SMAD4: variants seen among roughly 807,000 people sequenced by gnomAD.
SMAD4 encodes SMAD family member 4.
In SMAD4, 7 loss-of-function variants were observed where a neutral mutation model predicts 63.2. The observed-to-expected ratio is 0.11, with a 90% CI of 0.06 to 0.21. SMAD4 has a LOEUF of 0.21. SMAD4 is among the 10% of genes least tolerant of loss of function. The pLI is 1.00. For missense variants in SMAD4, 312 were observed against 693.8 expected (o/e 0.45, Z 6.18); for synonymous variants, 215 against 235.4 (o/e 0.91, Z 0.79).
chr18:51,032,522 C>T (rs960038677), intron 1 of SMAD4, among the ~76,000 whole-genome samples: 2 of 152,170 alleles, frequency 1.3e-5, no homozygotes, highest in Non-Finnish European at 2.9e-5. Context: ...TTTTAAAAAC[C>T]TCTGCTTCAC....
chr18:51,033,398 C>T (rs1414810287), intron 1 of SMAD4, among the ~76,000 whole-genome samples: 3 of 152,188 alleles, frequency 2.0e-5, no homozygotes, highest in Non-Finnish European at 4.4e-5. Context: ...CCATGTTGGC[C>T]AGACTGGTCT....
chr18:51,040,310 G>A (rs1018083681), intron 1 of SMAD4, among the ~76,000 whole-genome samples: 3 of 151,960 alleles, frequency 2.0e-5, no homozygotes, highest in Admixed American at 2.0e-4. Flanking sequence ...TGTAGTCCCA[G>A]CTACTGGGGA....
At chr18:51,049,969 A>G (rs552318809) in intron 4 of SMAD4, among the ~76,000 whole-genome samples, 1 of 152,344 alleles carries the variant, frequency 6.6e-6, no homozygotes, top group East Asian at 1.9e-4. Context: ...AATATTTGAG[A>G]ATGGAGTTTT....
intron 1 of SMAD4, among the ~76,000 whole-genome samples, chr18:51,035,221 T>C (rs1023606289): frequency 1.3e-5 from 2 of 152,242 alleles, no homozygotes; most frequent in East Asian, 3.8e-4. Context: ...TTATTTGAAC[T>C]GTCTGGTAGT....
intron 5 of SMAD4, among the ~76,000 whole-genome samples, chr18:51,056,890 T>A (rs1435121255): frequency 6.6e-6 from 1 of 152,196 alleles, no homozygotes; most frequent in Non-Finnish European, 1.5e-5. Context: ...TAAAATAATT[T>A]ATCCTGTGTA....
intron 4 of SMAD4, chr18:51,052,836 G>C (rs1909745392): frequency 6.3e-6 from 1 of 158,304 alleles, no homozygotes; most frequent in Admixed American, 6.3e-5. Context: ...TCTGGACCTT[G>C]GTTTTTTACT....
At chr18:51,050,546 C>T (rs1267056263) in intron 4 of SMAD4, among the ~76,000 whole-genome samples, 2 of 151,428 alleles carry the variant, frequency 1.3e-5, no homozygotes, top group Admixed American at 6.6e-5. Flanking sequence ...GTAGTCCCAG[C>T]TACTTGGGAA....
Position 51,030,423 on chromosome 18 carries a change from CGCCGCAG to C in SMAD4, c.-326_-320del, listed in dbSNP as rs974481056. 1 of 151,306 alleles carries C rather than the reference CGCCGCAG, an allele frequency of 6.6e-6. No individual in the cohort carries two copies. The highest frequency in any genetic ancestry group is 1.5e-5 in the Non-Finnish European group (1 of 67,692). 9.4% of individuals were successfully genotyped at this position (151,306 alleles called of 1,614,324 possible). A position where few individuals can be genotyped will look rare whatever the true frequency, so the allele number is the denominator to read the frequency against. On this transcript the variant is annotated 5_prime_UTR_variant, in exon 1 of 12. Coordinates refer to ENST00000342988, the MANE Select transcript of SMAD4 (RefSeq NM_005359.6). The stretch of plus-strand genomic sequence containing the variant: ...CAGGCGCCCAGCGAGAGAGGCCCCC[CGCCGCAG>C]GGCGGCCCGGGAGCTCGAGGCGGTC...
In SMAD4 at chr18:51,084,012, G is replaced by GCGCGCA. The variant is rs1555688055; in HGVS notation, c.*5546_*5547insGCGCAC. 56 of 162,874 alleles carry GCGCGCA rather than the reference G, an allele frequency of 3.4e-4. No homozygotes were observed. The highest frequency in any genetic ancestry group is 1.2e-3 in the South Asian group (5 of 4,266). The allele number at this position is 162,874 out of a possible 1,614,324, so 10.1% of individuals were successfully genotyped here. The stretch of plus-strand genomic sequence containing the variant: ...TTAACGCGCGTGCGCACGCGCGCGC[G>GCGCGCA]CACACACACACACACACACACACAC... On this transcript the variant is annotated 3_prime_UTR_variant, in exon 12 of 12. Coordinates refer to ENST00000342988, the MANE Select transcript of SMAD4 (RefSeq NM_005359.6).
chr18:51,051,491 T>A (rs1909711734), intron 4 of SMAD4: 1 of 430,092 alleles, frequency 2.3e-6, no homozygotes, highest in Admixed American at 2.7e-5. Flanking sequence ...TTCCAGCCTA[T>A]CTTTTACCTT....
chr18:51,035,879 C>G (rs1210208373), intron 1 of SMAD4, among the ~76,000 whole-genome samples: 2 of 152,172 alleles, frequency 1.3e-5, no homozygotes, highest in African/African-American at 4.8e-5. Context: ...ACACATGCTG[C>G]TTCAGAATGG....
chr18:51,059,900 C>T lies in SMAD4; in HGVS notation c.939C>T (p.Pro313=), dbSNP rs1305282354. Residue 313 remains proline (P), a synonymous_variant, in exon 8 of 12, where the codon CCC becomes CCT. Transcript: ENST00000342988. Reference sequence around the variant, plus strand: ...ACAATGAGCTTGCATTCCAGCCTCCCATTTCCAATCATCCTGGTAAGTGTA... The same window carrying T: ...ACAATGAGCTTGCATTCCAGCCTCCTATTTCCAATCATCCTGGTAAGTGTA... ...PVHNELAFQP[P]ISNHPAPEYW... is the part of the protein sequence containing the mutation. The T allele has an allele frequency of 6.2e-7, 1 of 1,611,972 alleles. No individual in the cohort carries two copies. The highest frequency in any genetic ancestry group is 8.5e-7 in the Non-Finnish European group (1 of 1,178,170).
chr18:51,067,444 C>G lies in SMAD4; in HGVS notation c.1308+257C>G, dbSNP rs920504176. Among the ~76,000 whole-genome samples the G allele has an allele frequency of 3.3e-5, 5 of 151,988 alleles. No homozygotes were observed. The East Asian group carries it at 9.6e-4, about 29-fold the overall frequency. On this transcript the variant is annotated intron_variant, in intron 10 of 11. Transcript: ENST00000342988. Reference sequence around the variant, plus strand: ...TATTTATTTTTGAGACAGAGTCTTGCTCTCGTCGCCCAGGCTGGAATGCAG... The same window carrying G: ...TATTTATTTTTGAGACAGAGTCTTGGTCTCGTCGCCCAGGCTGGAATGCAG...
At chr18:51,045,526 T>A (rs2144397105) in intron 1 of SMAD4, among the ~76,000 whole-genome samples, 1 of 152,318 alleles carries the variant, frequency 6.6e-6, no homozygotes, top group South Asian at 2.1e-4. Context: ...GATTCTTTAT[T>A]AATCTTCAGT....
intron 10 of SMAD4, among the ~76,000 whole-genome samples, chr18:51,070,919 CTGT>C (rs1323033213): frequency 2.6e-5 from 4 of 152,020 alleles, no homozygotes; most frequent in Non-Finnish European, 5.9e-5. Flanking sequence ...TTATTATTAC[CTGT>C]TGTTGTTAAT....
At chr18:51,068,498 C>T (rs1283119970) in intron 10 of SMAD4, among the ~76,000 whole-genome samples, 1 of 152,076 alleles carries the variant, frequency 6.6e-6, no homozygotes, top group African/African-American at 2.4e-5. Flanking sequence ...AATAAATTAG[C>T]ATCAATTCCC....
chr18:51,051,593 G>C (rs767519917), intron 4 of SMAD4, among the ~76,000 whole-genome samples: 12 of 152,162 alleles, frequency 7.9e-5, no homozygotes, highest in Admixed American at 5.2e-4. Context: ...TTAGGTTCCA[G>C]GGATGCTTAG....
At chr18:51,037,560 A>T (rs1909241854) in intron 1 of SMAD4, among the ~76,000 whole-genome samples, 1 of 152,204 alleles carries the variant, frequency 6.6e-6, no homozygotes, top group Non-Finnish European at 1.5e-5. Context: ...TTGCTGCAGC[A>T]GTAAAAAGGT....
chr18:51,050,608 G>A (rs1206712318), intron 4 of SMAD4, among the ~76,000 whole-genome samples: 2 of 150,594 alleles, frequency 1.3e-5, no homozygotes, highest in African/African-American at 4.9e-5. Context: ...GCAGTGAGCC[G>A]AGATAGTGGC....
Sources: allele counts gnomAD v4.1 joint callset (sites outside exome capture counted in the v4.1 genomes callset), GRCh38; gene constraint gnomAD v4.1.1; transcripts MANE v1.5; gene names NCBI Gene and HGNC (gene_info 2026-07-23, HGNC 2026-07-21).